Variants in LPGAT1 observed in about 807,000 individuals in gnomAD.
The protein encoded by LPGAT1 is acyl-CoA:lysophosphatidylglycerol acyltransferase 1.
In LPGAT1, 11 loss-of-function variants were observed where a neutral mutation model predicts 47.5. The ratio of observed to expected loss-of-function variants is 0.23; its 90% confidence interval spans 0.15 to 0.38. The LOEUF (loss-of-function observed/expected upper bound fraction) is 0.38, where lower values mean the gene tolerates loss of function less well. LPGAT1 is among the 10% of genes least tolerant of loss of function. The pLI is 1.00. For synonymous variants in LPGAT1, 138 were observed against 144.2 expected, an observed-to-expected ratio of 0.96 and a Z score of 0.31; for missense variants, 293 against 439.0, an observed-to-expected ratio of 0.67 and a Z score of 2.97.
At chr1:211,763,019 C>T (rs966340729) in intron 6 of LPGAT1, among the ~76,000 whole-genome samples, 1 of 152,066 alleles carries the variant, frequency 6.6e-6, no homozygotes, top group Non-Finnish European at 1.5e-5. Context: ...AAAGTAACAA[C>T]CAGAATATGA....
chr1:211,828,695 A>G (rs1184527398), intron 2 of LPGAT1, among the ~76,000 whole-genome samples: 1 of 152,176 alleles, frequency 6.6e-6, no homozygotes, highest in Non-Finnish European at 1.5e-5. Context: ...TAAATTTCCA[A>G]TGTTTATGGG....
intron 2 of LPGAT1, among the ~76,000 whole-genome samples, chr1:211,803,912 C>T (rs1293120828): frequency 3.3e-5 from 5 of 151,802 alleles, no homozygotes; most frequent in East Asian, 3.9e-4. Flanking sequence ...GCATGCATGA[C>T]GAAATACAGC....
chr1:211,763,942 C>A (rs1451911520), intron 6 of LPGAT1, among the ~76,000 whole-genome samples: 2 of 152,142 alleles, frequency 1.3e-5, no homozygotes, highest in South Asian at 2.1e-4. Flanking sequence ...GAGGCCAAGG[C>A]GGGTGGATCA....
At chr1:211,768,481 T>G (rs764956885) in intron 6 of LPGAT1, among the ~76,000 whole-genome samples, 17 of 152,204 alleles carry the variant, frequency 1.1e-4, no homozygotes, top group African/African-American at 1.9e-4. Flanking sequence ...GCTCTTTTTT[T>G]GTGGGGCAGG....
intron 6 of LPGAT1, among the ~76,000 whole-genome samples, chr1:211,773,282 T>TA (rs1249715188): frequency 1.3e-5 from 2 of 152,196 alleles, no homozygotes; most frequent in African/African-American, 4.8e-5. Flanking sequence ...TCATTTCTTT[T>TA]ATCAATTACA....
chr1:211,776,570 C>T (rs1259177594), intron 6 of LPGAT1, among the ~76,000 whole-genome samples: 1 of 151,976 alleles, frequency 6.6e-6, no homozygotes, highest in Non-Finnish European at 1.5e-5. Context: ...CAGCTATATA[C>T]CAAAATCACT....
At chr1:211,811,417 C>T (rs1029693141) in intron 2 of LPGAT1, among the ~76,000 whole-genome samples, 8 of 152,106 alleles carry the variant, frequency 5.3e-5, no homozygotes, top group Non-Finnish European at 1.0e-4. Context: ...GAAGAGCTGT[C>T]GGGAATGATG....
At chr1:211,766,740 G>A (rs559140519) in intron 6 of LPGAT1, among the ~76,000 whole-genome samples, 16 of 152,174 alleles carry the variant, frequency 1.1e-4, no homozygotes, top group Non-Finnish European at 1.5e-4. Context: ...GTAGTGTACC[G>A]CATATCACTA....
At chr1:211,775,787 G>A (rs1251789094) in intron 6 of LPGAT1, among the ~76,000 whole-genome samples, 1 of 151,904 alleles carries the variant, frequency 6.6e-6, no homozygotes, top group Non-Finnish European at 1.5e-5. Flanking sequence ...AATTAGCCGG[G>A]CATGGTGGTG....
At position 211,830,632 on chromosome 1, in the gene LPGAT1, G is replaced by A; in HGVS notation, c.-87C>T. On this transcript the variant is annotated 5_prime_UTR_variant, in exon 1 of 8. Transcript: ENST00000366997. This position sits in a 1 kb window ranked among gnomAD's most constrained non-coding sequence, Gnocchi z 5.9. ...AGTCAGAGGAGCCGGAAGAATGCAT[G>A]GCCGGCGGCGGGGCCGGCGGAAGAA... is the stretch of plus-strand genomic sequence containing the variant. 1 of 1,204,702 alleles carries A rather than the reference G, an allele frequency of 8.3e-7. No individual in the cohort carries two copies. Among genetic ancestry groups the A allele is most frequent in the Non-Finnish European group, 1.0e-6 (1 of 970,426 alleles). The allele number at this position is 1,204,702 out of a possible 1,614,324, so 74.6% of individuals were successfully genotyped here.
At chr1:211,761,243 A>G (rs1657685641) in intron 6 of LPGAT1, among the ~76,000 whole-genome samples, 1 of 152,146 alleles carries the variant, frequency 6.6e-6, no homozygotes, top group African/African-American at 2.4e-5. Flanking sequence ...ATCCCAAGCA[A>G]ATGTCTGCCA....
At position 211,830,496 on chromosome 1, in the gene LPGAT1, C is replaced by T. The variant is rs1660699596; in HGVS notation, c.-28+77G>A. On this transcript the variant is annotated intron_variant, in intron 1 of 7. Transcript: ENST00000366997. The surrounding 1 kb of genome is among the most constrained non-coding windows in gnomAD (Gnocchi z 5.9). ...CCGGGCCACGCGACGACGACACCCC[C>T]TTCCCCGCCCCCAGCGCCTCCCCTG... 3.3e-6 allele frequency: 4 copies of T among 1,194,960 alleles called. No individual in the cohort carries two copies. In the Admixed American group the frequency reaches 1.3e-4, roughly 40 times the overall value. The allele number at this position is 1,194,960 out of a possible 1,614,324, so 74.0% of individuals were successfully genotyped here. A position where few individuals can be genotyped will look rare whatever the true frequency, so the allele number is the denominator to read the frequency against.
intron 4 of LPGAT1, among the ~76,000 whole-genome samples, chr1:211,786,860 A>T (rs79491385): frequency 2.1e-3 from 325 of 152,324 alleles, no homozygotes; most frequent in African/African-American, 7.4e-3. Context: ...ATAGTGATAC[A>T]ATAGTAGTAA....
At chr1:211,828,467 C>T (rs1023320474) in intron 2 of LPGAT1, among the ~76,000 whole-genome samples, 3 of 152,132 alleles carry the variant, frequency 2.0e-5, no homozygotes, top group Non-Finnish European at 2.9e-5. Flanking sequence ...TAAAGACACT[C>T]AGAAGATAAA....
intron 5 of LPGAT1, 59 bp downstream of exon 5, chr1:211,783,170 T>C: frequency 7.0e-7 from 1 of 1,422,164 alleles, no homozygotes; most frequent in Non-Finnish European, 9.5e-7. Context: ...GATCATCTTC[T>C]GTAACTCCAG....
intron 2 of LPGAT1, 35 bp downstream of exon 2, chr1:211,829,024 T>C: frequency 6.2e-7 from 1 of 1,602,230 alleles, no homozygotes; most frequent in East Asian, 2.2e-5. Flanking sequence ...ACAAATTTTT[T>C]CTTATGCATT....
At chr1:211,784,078 T>G (rs1272820999) in intron 4 of LPGAT1, among the ~76,000 whole-genome samples, 1 of 151,994 alleles carries the variant, frequency 6.6e-6, no homozygotes, top group South Asian at 2.1e-4. Context: ...GGTCATTTGG[T>G]GGGAACGAGT....
intron 2 of LPGAT1, among the ~76,000 whole-genome samples, chr1:211,816,567 C>G (rs1660185029): frequency 6.6e-6 from 1 of 152,198 alleles, no homozygotes; most frequent in Non-Finnish European, 1.5e-5. Context: ...TGAATAGCCT[C>G]AGATATATTT....
chr1:211,793,763 T>C (rs1213350544), intron 2 of LPGAT1, among the ~76,000 whole-genome samples: 1 of 152,278 alleles, frequency 6.6e-6, no homozygotes, highest in African/African-American at 2.4e-5. Flanking sequence ...GAAGTTCTAT[T>C]TCCTAGAATT....
Sources: gnomAD v4.1 joint callset for allele counts (sites outside exome capture counted in the v4.1 genomes callset) on GRCh38, gnomAD v4.1.1 for gene constraint, Gnocchi (gnomAD v3.1) non-coding constraint, MANE v1.5 for transcripts, NCBI Gene and HGNC (gene_info 2026-07-23, HGNC 2026-07-21) for gene names.